The following FAM78B variants were observed in gnomAD, a reference collection of about 807,000 sequenced individuals.
FAM78B encodes the protein protein FAM78B.
FAM78B carries 10 observed loss-of-function variants against 20.0 expected under a neutral mutation model. The ratio of observed to expected loss-of-function variants is 0.50; its 90% CI spans 0.31 to 0.85. The LOEUF is 0.85. Ranked by LOEUF, FAM78B falls within the 40% of genes least tolerant of loss-of-function variation. The pLI is 0.05. For missense variants in FAM78B, 283 were observed against 345.0 expected, an observed-to-expected ratio of 0.82 and a Z score of 1.42; for synonymous variants, 135 against 132.8, an observed-to-expected ratio of 1.02 and a Z score of -0.12.
At chr1:166,093,050 A>T (rs1055500173) in intron 1 of FAM78B, among the ~76,000 whole-genome samples, 16 of 152,338 alleles carry the variant, frequency 1.1e-4, no homozygotes, top group East Asian at 7.7e-4. Flanking sequence ...GAATATATTT[A>T]AAAAAATAAA....
intron 1 of FAM78B, among the ~76,000 whole-genome samples, chr1:166,119,166 G>T (rs937217291): frequency 3.9e-5 from 6 of 152,150 alleles, no homozygotes; most frequent in Non-Finnish European, 7.3e-5. Context: ...CTCAGCATTA[G>T]CATTCACCTT....
downstream of FAM78B, among the ~76,000 whole-genome samples, chr1:166,068,031 T>C (rs963841794): frequency 6.6e-6 from 1 of 152,232 alleles, no homozygotes; most frequent in African/African-American, 2.4e-5. Context: ...ACTAGGGGAA[T>C]TTGCAAACAT....
intron 1 of FAM78B, among the ~76,000 whole-genome samples, chr1:166,141,694 T>C (rs920536049): frequency 6.6e-6 from 1 of 152,220 alleles, no homozygotes; most frequent in South Asian, 2.1e-4. Flanking sequence ...ATGTGAGGCC[T>C]GTCAAAGGCT....
At chr1:166,073,536 CTT>C (rs201582992) in intron 1 of FAM78B, among the ~76,000 whole-genome samples, 12 of 135,778 alleles carry the variant, frequency 8.8e-5, no homozygotes, top group East Asian at 2.1e-4. Context: ...CTCTTTCTCT[CTT>C]TTTTTTTTTT....
chr1:166,070,425 G>T lies in FAM78B; in HGVS notation c.602C>A (p.Pro201His). The change falls in exon 2 of 2, where the codon CCT becomes CAT. Residue 201 changes from proline (P) to histidine (H), a missense_variant. Pro to His is a moderately conservative substitution (Grantham distance 77). Transcript: ENST00000354422. ...GGCCCGCTGCCCCAAGAGCTGAAGAGGGTCCACTTCAATGTCCACCCTCAT... is the reference window on the plus strand; with the variant it reads ...GGCCCGCTGCCCCAAGAGCTGAAGATGGTCCACTTCAATGTCCACCCTCAT... The part of the protein sequence containing the change: ...WRMRVDIEVD[P>H]LQLLGQRARL... 1 of 1,614,220 alleles carries T rather than the reference G, an allele frequency of 6.2e-7. No individual in the cohort carries two copies. Among genetic ancestry groups the T allele is most frequent in the Non-Finnish European group, 8.5e-7 (1 of 1,180,030 alleles).
At chr1:166,121,586 G>A (rs1326495201) in intron 1 of FAM78B, among the ~76,000 whole-genome samples, 1 of 152,184 alleles carries the variant, frequency 6.6e-6, no homozygotes, top group African/African-American at 2.4e-5. Context: ...ATGGGTCCCA[G>A]GGCAAGGGGC....
At chr1:166,077,621 T>C (rs949346392) in intron 1 of FAM78B, among the ~76,000 whole-genome samples, 1 of 129,434 alleles carries the variant, frequency 7.7e-6, no homozygotes, top group Non-Finnish European at 1.5e-5. Flanking sequence ...ATAAATTATA[T>C]ATAATACATA....
chr1:166,136,185 G>A (rs1394704070), intron 1 of FAM78B, among the ~76,000 whole-genome samples: 2 of 152,210 alleles, frequency 1.3e-5, no homozygotes, highest in Non-Finnish European at 2.9e-5. Flanking sequence ...GGACACTGAG[G>A]ATGTAACAGA....
intron 1 of FAM78B, chr1:166,081,274 GAC>G (rs1652561790): frequency 6.6e-6 from 1 of 152,188 alleles, no homozygotes; most frequent in Non-Finnish European, 1.5e-5. Context: ...CAGCATTAGA[GAC>G]ATCTTCTCAC....
chr1:166,086,074 T>A (rs1652816812), intron 1 of FAM78B, among the ~76,000 whole-genome samples: 1 of 126,742 alleles, frequency 7.9e-6, no homozygotes, highest in Admixed American at 7.7e-5. Context: ...TATGTTACTC[T>A]TTTTTTTTTT....
chr1:166,148,080 G>A (rs4657525), intron 1 of FAM78B: 143,507 of 152,282 alleles, frequency 0.94, 68,169 homozygotes, highest in East Asian at 1. Context: ...TTTAACAACA[G>A]TGAATCTCTC....
At chr1:166,159,082 C>A (rs1182301581) in intron 1 of FAM78B, among the ~76,000 whole-genome samples, 1 of 152,236 alleles carries the variant, frequency 6.6e-6, no homozygotes, top group Non-Finnish European at 1.5e-5. Context: ...ATGCTATCAA[C>A]TACTTGGAGC....
intron 1 of FAM78B, among the ~76,000 whole-genome samples, chr1:166,077,523 G>C (rs982059088): frequency 6.7e-6 from 1 of 149,596 alleles, no homozygotes; most frequent in Non-Finnish European, 1.5e-5. Context: ...GATGATGTAG[G>C]AGCAAATGCT....
intron 1 of FAM78B, among the ~76,000 whole-genome samples, chr1:166,157,749 C>A (rs911389608): frequency 1.3e-5 from 2 of 152,174 alleles, no homozygotes; most frequent in Non-Finnish European, 2.9e-5. Flanking sequence ...ATATCCAGTA[C>A]CTGGGTAGTC....
intron 1 of FAM78B, among the ~76,000 whole-genome samples, chr1:166,135,083 G>C (rs1035828619): frequency 6.6e-6 from 1 of 151,948 alleles, no homozygotes; most frequent in Non-Finnish European, 1.5e-5. Flanking sequence ...GGTCAATTGT[G>C]AGGTCCCTAC....
chr1:166,097,063 G>A (rs1653310106), intron 1 of FAM78B, among the ~76,000 whole-genome samples: 1 of 152,216 alleles, frequency 6.6e-6, no homozygotes, highest in African/African-American at 2.4e-5. Context: ...TGCAGAAGCA[G>A]GAAAGGGAGA....
At chr1:166,128,958 G>C (rs1479452621) in intron 1 of FAM78B, among the ~76,000 whole-genome samples, 1 of 152,212 alleles carries the variant, frequency 6.6e-6, no homozygotes. Context: ...AGAAAGCATG[G>C]GAGGAGGTGA....
chr1:166,064,686 G>A (rs1400931934), downstream of FAM78B, among the ~76,000 whole-genome samples: 1 of 152,196 alleles, frequency 6.6e-6, no homozygotes, highest in African/African-American at 2.4e-5. Context: ...AGATGGTTTT[G>A]GGCTTCCAAG....
intron 1 of FAM78B, among the ~76,000 whole-genome samples, chr1:166,109,890 G>GTATATATGTATATATATA (rs1557903394): frequency 1.3e-4 from 3 of 23,198 alleles, no homozygotes; most frequent in Non-Finnish European, 2.3e-4. Context: ...ATGTATATAT[G>GTATATATGTATATATATA]TATATATATA....
Sources: gnomAD v4.1 joint callset for allele counts (sites outside exome capture counted in the v4.1 genomes callset) on GRCh38, gnomAD v4.1.1 for gene constraint, MANE v1.5 for transcripts, NCBI Gene and HGNC (gene_info 2026-07-23, HGNC 2026-07-21) for gene names.